The following CTPS2 variants were observed in gnomAD, a reference collection of about 807,000 sequenced individuals.
CTPS2 encodes CTP synthase II.
A neutral mutation model predicts 46.8 loss-of-function variants in CTPS2; 19 were observed. The ratio of observed to expected loss-of-function variants is 0.41; its 90% CI spans 0.28 to 0.60. The LOEUF is 0.60. Among genes scored for constraint, CTPS2 ranks in the 20% least tolerant of loss-of-function variants. CTPS2 has a pLI of 0.35. For missense variants in CTPS2, 286 were observed against 447.6 expected, an observed-to-expected ratio of 0.64 and a Z score of 3.26; for synonymous variants, 151 against 165.2, an observed-to-expected ratio of 0.91 and a Z score of 0.66.
intron 17 of CTPS2, among the ~76,000 whole-genome samples, chrX:16,592,622 A>G (rs905020961): frequency 2.7e-5 from 3 of 111,309 alleles, no homozygotes; most frequent in African/African-American, 9.8e-5. Flanking sequence ...AGACGTGCAT[A>G]TTGGCTCAAG....
chrX:16,589,334 A>G lies in CTPS2; in HGVS notation c.*483T>C, dbSNP rs1276196829. 2.7e-5 allele frequency: 3 copies of G among 111,991 alleles called. No individual in the cohort carries two copies. Among genetic ancestry groups the G allele is most frequent in the African/African-American group, 9.7e-5 (3 of 30,836 alleles). The allele number at this position is 111,991 out of a possible 1,213,427, so 9.2% of individuals were successfully genotyped here. ...CAATTTTACTTTTACCAGGAAATAA[A>G]CAGGGTGAGAAACTGCAATGATCTT... is the stretch of plus-strand genomic sequence containing the variant. On this transcript the variant is annotated 3_prime_UTR_variant, in exon 19 of 19. Transcript: ENST00000359276.
chrX:16,591,094 G>A (rs766435845), intron 17 of CTPS2: 28 of 280,466 alleles, frequency 1.0e-4, no homozygotes, highest in Middle Eastern at 1.0e-3. Flanking sequence ...TAAACTGGAA[G>A]TTACTTATTC....
At chrX:16,691,412 G>A (rs1923686633) in intron 7 of CTPS2, 128 bp downstream of exon 7, 3 of 524,200 alleles carry the variant, frequency 5.7e-6, no homozygotes, top group Non-Finnish European at 1.0e-5. Flanking sequence ...AGGGAATCAT[G>A]GTTGGATCAG....
At chrX:16,612,817 C>T (rs1445933203) in intron 16 of CTPS2, among the ~76,000 whole-genome samples, 1 of 112,107 alleles carries the variant, frequency 8.9e-6, no homozygotes, top group African/African-American at 3.2e-5. Context: ...AGCTGGATGG[C>T]CCTGGGCATG....
intron 8 of CTPS2, among the ~76,000 whole-genome samples, chrX:16,686,112 A>G (rs1054523202): frequency 3.6e-5 from 4 of 111,553 alleles, no homozygotes; most frequent in African/African-American, 1.3e-4. Context: ...TAACAATGTC[A>G]CCACCAATGT....
At chrX:16,703,021 A>AT (rs1388974667) in intron 1 of CTPS2, 80 bp from the exon 2 acceptor site, 1 of 571,329 alleles carries the variant, frequency 1.8e-6, no homozygotes, top group Non-Finnish European at 2.6e-6. Flanking sequence ...AACCAGAATT[A>AT]ATTTTTTTTT....
chrX:16,656,523 C>A (rs1932824238), intron 13 of CTPS2, among the ~76,000 whole-genome samples: 1 of 110,852 alleles, frequency 9.0e-6, no homozygotes, highest in Admixed American at 9.6e-5. Context: ...CATTCTCCTG[C>A]CTCAGCCTCC....
chrX:16,630,784 T>G (rs1389482364), intron 14 of CTPS2, among the ~76,000 whole-genome samples: 1 of 112,150 alleles, frequency 8.9e-6, no homozygotes, highest in African/African-American at 3.2e-5. Flanking sequence ...TAAATTAGGT[T>G]GATGGCTGGA....
intron 1 of CTPS2, among the ~76,000 whole-genome samples, chrX:16,705,755 C>T (rs1357801125): frequency 3.6e-5 from 4 of 110,899 alleles, no homozygotes; most frequent in South Asian, 7.6e-4. Flanking sequence ...CTCTTTAAAA[C>T]GTGTGCTTCC....
intron 13 of CTPS2, among the ~76,000 whole-genome samples, chrX:16,667,134 C>G (rs371661149): frequency 1.1e-5 from 1 of 94,873 alleles, no homozygotes; most frequent in Non-Finnish European, 2.1e-5. Context: ...GACCCCCCCC[C>G]GCCTTTTTTT....
intron 4 of CTPS2, among the ~76,000 whole-genome samples, chrX:16,695,002 A>AAACAACAAC (rs10651987): frequency 9.4e-6 from 1 of 106,926 alleles, no homozygotes; most frequent in African/African-American, 3.5e-5. Context: ...TCTCTTTAAA[A>AAACAACAAC]AACAACAACA....
chrX:16,600,119 G>C (rs930505088), intron 17 of CTPS2, among the ~76,000 whole-genome samples: 1 of 112,088 alleles, frequency 8.9e-6, no homozygotes, highest in Non-Finnish European at 1.9e-5. Flanking sequence ...AGTGAAGTTT[G>C]CTTGTCAAGG....
chrX:16,636,781 C>A (rs892203172), intron 14 of CTPS2, among the ~76,000 whole-genome samples: 2 of 110,177 alleles, frequency 1.8e-5, no homozygotes, highest in African/African-American at 6.6e-5. Flanking sequence ...AAAAAAATAG[C>A]CGGCAGGCGC....
In CTPS2 at chrX:16,595,854, G is replaced by C. The variant is rs991745046; in HGVS notation, c.1692-4992C>G. Reference sequence around the variant, plus strand: ...AAGCAAACTACAGTCACCATGCAATGGTCCTTGTCATTTCCTTAAAAAAAA... The same window carrying C: ...AAGCAAACTACAGTCACCATGCAATCGTCCTTGTCATTTCCTTAAAAAAAA... On this transcript the variant is annotated intron_variant, in intron 17 of 18. Coordinates refer to ENST00000359276, the MANE Select transcript of CTPS2 (RefSeq NM_175859.3). 2.7e-5 allele frequency among the ~76,000 whole-genome samples: 3 copies of C among 110,873 alleles called. No individual in the cohort carries two copies. The Admixed American group carries it at 2.9e-4, about 11-fold the overall frequency.
intron 14 of CTPS2, among the ~76,000 whole-genome samples, chrX:16,625,557 A>T (rs951833527): frequency 3.6e-5 from 4 of 111,896 alleles, no homozygotes; most frequent in African/African-American, 1.3e-4. Context: ...GTGCTCTTTT[A>T]GCTCTGCCGT....
chrX:16,594,773 T>C (rs1055895873), intron 17 of CTPS2, among the ~76,000 whole-genome samples: 1 of 112,562 alleles, frequency 8.9e-6, no homozygotes, highest in South Asian at 3.7e-4. Context: ...CCAAGCTTAA[T>C]GACTGGGTTC....
chrX:16,706,900 G>A (rs754241874), intron 1 of CTPS2, among the ~76,000 whole-genome samples: 3 of 107,540 alleles, frequency 2.8e-5, no homozygotes, highest in Admixed American at 1.0e-4. Context: ...AAAATTAGCC[G>A]AGCATGGTAG....
chrX:16,693,658 C>T, intron 4 of CTPS2, among the ~76,000 whole-genome samples, 171 bp from the exon 5 acceptor site: 1 of 111,075 alleles, frequency 9.0e-6, no homozygotes, highest in Middle Eastern at 4.7e-3. Flanking sequence ...GGTATGGCGG[C>T]TCACACCTAT....
At chrX:16,675,655 G>A (rs1189583529) in intron 10 of CTPS2, among the ~76,000 whole-genome samples, 2 of 112,057 alleles carry the variant, frequency 1.8e-5, no homozygotes, top group African/African-American at 6.5e-5. Flanking sequence ...AATAGTGGCT[G>A]CCCTAAAACA....
Sources: gnomAD v4.1 joint callset for allele counts (sites outside exome capture counted in the v4.1 genomes callset) on GRCh38, gnomAD v4.1.1 for gene constraint, MANE v1.5 for transcripts, NCBI Gene and HGNC (gene_info 2026-07-23, HGNC 2026-07-21) for gene names.